LPCAT1: variants seen among roughly 807,000 people sequenced by gnomAD.
The protein encoded by LPCAT1 is lysophosphatidylcholine acyltransferase 1, also known as 1-acylglycerol-3-phosphate O-acyltransferase.
Under a neutral mutation model 60.9 loss-of-function variants are expected in LPCAT1, and 23 were observed. That is an observed-to-expected ratio of 0.38 (90% CI 0.27 to 0.53). The LOEUF is 0.53. Ranked by LOEUF, LPCAT1 falls within the 20% of genes least tolerant of loss-of-function variation. LPCAT1 has a pLI of 0.82. For synonymous variants in LPCAT1, 340 were observed against 301.1 expected, an observed-to-expected ratio of 1.13 and a Z score of -1.34; for missense variants, 622 against 723.6, an observed-to-expected ratio of 0.86 and a Z score of 1.61.
intron 12 of LPCAT1, among the ~76,000 whole-genome samples, chr5:1,467,592 ACT>A (rs1383197021): frequency 2.0e-5 from 3 of 151,594 alleles, no homozygotes; most frequent in Non-Finnish European, 2.9e-5. Flanking sequence ...GGCTCCACAG[ACT>A]CTGTGCCCTG....
chr5:1,499,764 G>A (rs578180455), intron 2 of LPCAT1, among the ~76,000 whole-genome samples: 3 of 152,268 alleles, frequency 2.0e-5, no homozygotes, highest in Non-Finnish European at 4.4e-5. Flanking sequence ...ATGTCTGCAC[G>A]CAACGGTGCG....
At chr5:1,470,444 G>A (rs573595815) in intron 12 of LPCAT1, among the ~76,000 whole-genome samples, 94 of 152,298 alleles carry the variant, frequency 6.2e-4, no homozygotes, top group African/African-American at 2.0e-3. Flanking sequence ...GGTTAGCTGA[G>A]GTGGGCAGCT....
At chr5:1,484,614 T>C (rs1032079704) in intron 5 of LPCAT1, among the ~76,000 whole-genome samples, 3 of 152,294 alleles carry the variant, frequency 2.0e-5, no homozygotes, top group Non-Finnish European at 2.9e-5. Flanking sequence ...ATGGAGCCCA[T>C]GCTTGCCCCT....
chr5:1,480,230 C>G lies in LPCAT1; in HGVS notation c.762-555G>C. 1.5e-6 allele frequency: 1 copy of G among 683,772 alleles called. No homozygotes were observed. The highest frequency in any genetic ancestry group is 1.8e-6 in the Non-Finnish European group (1 of 554,638). The allele number at this position is 683,772 out of a possible 1,614,324, so 42.4% of individuals were successfully genotyped here. A position where few individuals can be genotyped will look rare whatever the true frequency, so the allele number is the denominator to read the frequency against. ...CCGGGACCCCAGAACCCCTATACCC[C>G]CCAGAGCCCCCTCCCAGCTCTGCTC... is the stretch of plus-strand genomic sequence containing the variant. On this transcript the variant is annotated intron_variant, in intron 7 of 13. Coordinates refer to ENST00000283415, the MANE Select transcript of LPCAT1 (RefSeq NM_024830.5). The surrounding 1 kb of genome is among the most constrained non-coding windows in gnomAD (Gnocchi z 6.4).
In LPCAT1 at chr5:1,522,920, C is replaced by T. The variant is rs1736716969; in HGVS notation, c.135+790G>A. Among the ~76,000 whole-genome samples, 1 of 152,164 alleles carries T rather than the reference C, an allele frequency of 6.6e-6. No individual in the cohort carries two copies. The highest frequency in any genetic ancestry group is 6.5e-5 in the Admixed American group (1 of 15,286). On this transcript the variant is annotated intron_variant, in intron 1 of 13. Transcript: ENST00000283415. The surrounding 1 kb of genome is among the most constrained non-coding windows in gnomAD (Gnocchi z 6.8). ...GTGCAGCTTCCTGCAGCGAGCGGCCCCCTCCCCACGACGCCCCCGGGTCTC... is the reference window on the plus strand; with the variant it reads ...GTGCAGCTTCCTGCAGCGAGCGGCCTCCTCCCCACGACGCCCCCGGGTCTC...
chr5:1,480,145 C>T lies in LPCAT1; in HGVS notation c.762-470G>A, dbSNP rs546462745. Reference sequence around the variant, plus strand: ...GCTCCCAGGGCCACACTCACGCCTCCGACAGCCCAGTGCCCCAACCCTCTT... The same window carrying T: ...GCTCCCAGGGCCACACTCACGCCTCTGACAGCCCAGTGCCCCAACCCTCTT... On this transcript the variant is annotated intron_variant, in intron 7 of 13. Coordinates refer to ENST00000283415, the MANE Select transcript of LPCAT1 (RefSeq NM_024830.5). This position sits in a 1 kb window ranked among gnomAD's most constrained non-coding sequence, Gnocchi z 6.4. 6.6e-5 allele frequency among the ~76,000 whole-genome samples: 10 copies of T among 151,936 alleles called. No individual in the cohort carries two copies. Among genetic ancestry groups the T allele is most frequent in the African/African-American group, 1.9e-4 (8 of 41,430 alleles).
chr5:1,486,888 C>T (rs1394196645), intron 5 of LPCAT1, among the ~76,000 whole-genome samples: 6 of 152,220 alleles, frequency 3.9e-5, no homozygotes, highest in Non-Finnish European at 8.8e-5. Flanking sequence ...CCCCAGACCC[C>T]GTGGAACCCA....
In LPCAT1 at chr5:1,523,616, CCCCCTCCCCGG is replaced by C; in HGVS notation, c.135+83_135+93del. On this transcript the variant is annotated intron_variant, in intron 1 of 13. Coordinates refer to ENST00000283415, the MANE Select transcript of LPCAT1 (RefSeq NM_024830.5). The surrounding 1 kb of genome is among the most constrained non-coding windows in gnomAD (Gnocchi z 7.1). ...TCGCAGGGCCGCGCCGCGCCCCAGG[CCCCCTCCCCGG>C]CCCCTCCTCGGCCGCGCCTCCCTGG... The C allele has an allele frequency of 1.1e-6, 1 of 885,886 alleles. No homozygotes were observed. The highest frequency in any genetic ancestry group is 1.4e-6 in the Non-Finnish European group (1 of 731,776). 54.9% of individuals were successfully genotyped at this position (885,886 alleles called of 1,614,324 possible).
Position 1,480,254 on chromosome 5 carries a change from T to A in LPCAT1, c.762-579A>T. 1.3e-6 allele frequency: 1 copy of A among 756,060 alleles called. No individual in the cohort carries two copies. Among genetic ancestry groups the A allele is most frequent in the Non-Finnish European group, 1.6e-6 (1 of 632,052 alleles). The allele number at this position is 756,060 out of a possible 1,614,324, so 46.8% of individuals were successfully genotyped here. A position where few individuals can be genotyped will look rare whatever the true frequency, so the allele number is the denominator to read the frequency against. Reference sequence around the variant, plus strand: ...CCCCAGAGCCCCCTCCCAGCTCTGCTCCCAGCTGGGAGCCTCCACACGCCA... The same window carrying A: ...CCCCAGAGCCCCCTCCCAGCTCTGCACCCAGCTGGGAGCCTCCACACGCCA... On this transcript the variant is annotated intron_variant, in intron 7 of 13. Coordinates refer to ENST00000283415, the MANE Select transcript of LPCAT1 (RefSeq NM_024830.5). This position sits in a 1 kb window ranked among gnomAD's most constrained non-coding sequence, Gnocchi z 6.4.
At chr5:1,465,994 A>T (rs1307701274) in intron 13 of LPCAT1, among the ~76,000 whole-genome samples, 1 of 152,176 alleles carries the variant, frequency 6.6e-6, no homozygotes, top group Non-Finnish European at 1.5e-5. Flanking sequence ...GCTCCCGCAC[A>T]GACGCTGTGC....
In LPCAT1 at chr5:1,502,487, G is replaced by A. The variant is rs1035613863; in HGVS notation, c.136-884C>T. 1.6e-4 allele frequency among the ~76,000 whole-genome samples: 24 copies of A among 152,162 alleles called. No homozygotes were observed. The highest frequency in any genetic ancestry group is 5.6e-4 in the African/African-American group (23 of 41,414). On this transcript the variant is annotated intron_variant, in intron 1 of 13. Transcript: ENST00000283415. This position sits in a 1 kb window ranked among gnomAD's most constrained non-coding sequence, Gnocchi z 5.5. ...ACCCGGCGCAGGAGAGTGAACTGGCGGGAGGGCAGGGGCGCAGGTCAATAT... is the reference window on the plus strand; with the variant it reads ...ACCCGGCGCAGGAGAGTGAACTGGCAGGAGGGCAGGGGCGCAGGTCAATAT...
intron 1 of LPCAT1, among the ~76,000 whole-genome samples, chr5:1,509,549 A>G (rs1393194852): frequency 6.6e-6 from 1 of 152,032 alleles, no homozygotes; most frequent in African/African-American, 2.4e-5. Context: ...ATCAGCAAAC[A>G]CCACCAGCCC....
intron 1 of LPCAT1, among the ~76,000 whole-genome samples, chr5:1,513,694 G>T (rs1736421970): frequency 6.7e-6 from 1 of 150,280 alleles, no homozygotes; most frequent in African/African-American, 2.5e-5. Context: ...GGGACACCCT[G>T]CGATTACATT....
At chr5:1,466,105 T>C (rs1455782462) in intron 13 of LPCAT1, among the ~76,000 whole-genome samples, 5 of 152,264 alleles carry the variant, frequency 3.3e-5, no homozygotes, top group Admixed American at 3.3e-4. Context: ...CCTGCAGCCC[T>C]GGGAGCCTCG....
chr5:1,523,605 C>G lies in LPCAT1; in HGVS notation c.135+105G>C, dbSNP rs1378623174. ...GGCGCCGCGGCTCGCAGGGCCGCGC[C>G]GCGCCCCAGGCCCCCTCCCCGGCCC... On this transcript the variant is annotated intron_variant, in intron 1 of 13. Transcript: ENST00000283415. The surrounding 1 kb of genome is among the most constrained non-coding windows in gnomAD (Gnocchi z 7.1). The G allele has an allele frequency of 6.1e-6, 5 of 816,510 alleles. No homozygotes were observed. The highest frequency in any genetic ancestry group is 7.5e-6 in the Non-Finnish European group (5 of 670,420). 50.6% of individuals were successfully genotyped at this position (816,510 alleles called of 1,614,324 possible).
Position 1,463,526 on chromosome 5 carries a change from A to AACTCGGGCTGAAG in LPCAT1, c.*112_*124dup. 4 of 1,024,420 alleles carry AACTCGGGCTGAAG rather than the reference A, an allele frequency of 3.9e-6. No individual in the cohort carries two copies. Among genetic ancestry groups the AACTCGGGCTGAAG allele is most frequent in the Non-Finnish European group, 5.6e-6 (4 of 710,746 alleles). 63.5% of individuals were successfully genotyped at this position (1,024,420 alleles called of 1,614,324 possible). On this transcript the variant is annotated 3_prime_UTR_variant, in exon 14 of 14. Transcript: ENST00000283415. ...TACAAACAGCCCCCGAGGCCCCTGG[A>AACTCGGGCTGAAG]ACTCGGGCTGAAGACAGTGCCTGTA...
chr5:1,521,617 A>C lies in LPCAT1; in HGVS notation c.135+2093T>G. On this transcript the variant is annotated intron_variant, in intron 1 of 13. Transcript: ENST00000283415. The surrounding 1 kb of genome is among the most constrained non-coding windows in gnomAD (Gnocchi z 4.3). ...CCACACATTGCAGACATCCAGCAGA[A>C]ACGACTGGATGTACAAACACACCTA... The C allele has an allele frequency of 5.6e-5, 16 of 283,932 alleles. No individual in the cohort carries two copies. Among genetic ancestry groups the C allele is most frequent in the South Asian group, 1.3e-4 (1 of 7,420 alleles). The allele number at this position is 283,932 out of a possible 1,614,324, so 17.6% of individuals were successfully genotyped here. A position where few individuals can be genotyped will look rare whatever the true frequency, so the allele number is the denominator to read the frequency against.
Position 1,466,873 on chromosome 5 carries a change from C to T in LPCAT1, c.1296G>A (p.Glu432=), listed in dbSNP as rs760344160. ...GGTCACCTTCGCCGACGCTGCCGTC[C>T]TCTTGCGCTCCGTACATCTGCAAGG... ...QLAFKMYGAQ[E]DGSVGEGDLS... is the part of the protein sequence containing the mutation. The change falls in exon 13 of 14, where the codon GAG becomes GAA. Residue 432 remains glutamate, a synonymous_variant. Transcript: ENST00000283415. 23 of 1,604,386 alleles carry T rather than the reference C, an allele frequency of 1.4e-5. No individual in the cohort carries two copies. In the South Asian group the frequency reaches 2.6e-4, roughly 18 times the overall value.
chr5:1,475,618 G>A (rs753644199), intron 9 of LPCAT1, among the ~76,000 whole-genome samples: 10 of 152,254 alleles, frequency 6.6e-5, no homozygotes, highest in Admixed American at 4.6e-4. Flanking sequence ...TCCTTGCAGC[G>A]GGCAGGGGAG....
Sources: allele counts gnomAD v4.1 joint callset (sites outside exome capture counted in the v4.1 genomes callset), GRCh38; gene constraint gnomAD v4.1.1; non-coding constraint Gnocchi (gnomAD v3.1); transcripts MANE v1.5; gene names NCBI Gene and HGNC (gene_info 2026-07-23, HGNC 2026-07-21).